FMN2: variants seen among roughly 807,000 people sequenced by gnomAD.
FMN2 encodes formin-2.
Under a neutral mutation model 142.3 loss-of-function variants are expected in FMN2, and 51 were observed. The observed-to-expected ratio is 0.36, with a 90% CI of 0.29 to 0.45. The LOEUF is 0.45. Ranked by LOEUF, FMN2 falls within the 20% of genes least tolerant of loss-of-function variation. The pLI, the probability that FMN2 is intolerant of heterozygous loss-of-function variation, is 1.00. For missense variants in FMN2, 1,936 were observed against 2,122.8 expected (o/e 0.91, Z 1.73); for synonymous variants, 882 against 869.8 (o/e 1.01, Z -0.25).
rs142176439 is a variant in FMN2, at chr1:240,213,366, G to A, written c.4065+2131G>A. 3.6e-3 allele frequency among the ~76,000 whole-genome samples: 549 copies of A among 152,232 alleles called. 6 individuals are homozygous for A. The highest frequency in any genetic ancestry group is 0.012 in the African/African-American group (496 of 41,530). On this transcript the variant is annotated intron_variant, in intron 6 of 17. Coordinates refer to ENST00000319653, the MANE Select transcript of FMN2 (RefSeq NM_020066.5). ...CAGCAACTCCTTGGCCTGGGTCTTG[G>A]TGCTGAGCTCTGCACTTCAGATCTG... is the stretch of plus-strand genomic sequence containing the variant.
At chr1:240,471,466 C>T (rs1676805884) in intron 16 of FMN2, among the ~76,000 whole-genome samples, 1 of 150,674 alleles carries the variant, frequency 6.6e-6, no homozygotes, top group Admixed American at 6.6e-5. Flanking sequence ...AGCTCAGCCT[C>T]TTGGGTTCAC....
chr1:240,271,098 G>GTTTTTTTTTTTTTTTTGTTTTT (rs1668992704), intron 7 of FMN2, among the ~76,000 whole-genome samples: 1 of 72,244 alleles, frequency 1.4e-5, no homozygotes, highest in African/African-American at 6.6e-5. Context: ...TTCCACGATG[G>GTTTTTTTTTTTTTTTTGTTTTT]TTTTTTTTTT....
At chr1:240,300,889 T>C (rs1355969305) in intron 8 of FMN2, among the ~76,000 whole-genome samples, 2 of 140,362 alleles carry the variant, frequency 1.4e-5, no homozygotes, top group African/African-American at 5.5e-5. Context: ...TGATACTTAC[T>C]GTGTGCATGT....
At chr1:240,147,938 C>T (rs1221075556) in intron 2 of FMN2, among the ~76,000 whole-genome samples, 1 of 152,176 alleles carries the variant, frequency 6.6e-6, no homozygotes, top group Non-Finnish European at 1.5e-5. Flanking sequence ...AAGTCTTGCT[C>T]TAGAAAGTGT....
At chr1:240,339,090 T>C (rs1314189875) in intron 13 of FMN2, among the ~76,000 whole-genome samples, 1 of 152,118 alleles carries the variant, frequency 6.6e-6, no homozygotes, top group Non-Finnish European at 1.5e-5. Flanking sequence ...GGAGCGGCTA[T>C]AAATACAGAT....
In FMN2 at chr1:240,101,701, C is replaced by A. The variant is rs535226981; in HGVS notation, c.1615+7977C>A. On this transcript the variant is annotated intron_variant, in intron 1 of 17. Coordinates refer to ENST00000319653, the MANE Select transcript of FMN2 (RefSeq NM_020066.5). Reference sequence around the variant, plus strand: ...GGGACCACAGGCGTGAGCCACTATGCCTGGCTAATTTTTTTTTTTTTTTTT... The same window carrying A: ...GGGACCACAGGCGTGAGCCACTATGACTGGCTAATTTTTTTTTTTTTTTTT... Among the ~76,000 whole-genome samples the A allele has an allele frequency of 2.2e-4, 33 of 151,668 alleles. No individual in the cohort carries two copies. In the Middle Eastern group the frequency reaches 0.01, roughly 47 times the overall value.
At position 240,241,825 on chromosome 1, in the gene FMN2, C is replaced by CTTTTTTTTTTTTTTTTTTT. The variant is rs71567282; in HGVS notation, c.4066-16109_4066-16091dup. Among the ~76,000 whole-genome samples, 15 of 96,222 alleles carry CTTTTTTTTTTTTTTTTTTT rather than the reference C, an allele frequency of 1.6e-4. 3 individuals are homozygous for CTTTTTTTTTTTTTTTTTTT. The highest frequency in any genetic ancestry group is 5.3e-4 in the African/African-American group (14 of 26,316). 63.1% of individuals were successfully genotyped at this position (96,222 alleles called of 152,430 possible). On this transcript the variant is annotated intron_variant, in intron 6 of 17. Transcript: ENST00000319653. The stretch of plus-strand genomic sequence containing the variant: ...ATTTTCTTTATTTTAGTGTGCCTTG[C>CTTTTTTTTTTTTTTTTTTT]TTTTTTTTTTTTTTTTTTTTTTTTT...
At chr1:240,315,428 A>G (rs150116055) in intron 8 of FMN2, among the ~76,000 whole-genome samples, 5 of 152,342 alleles carry the variant, frequency 3.3e-5, no homozygotes, top group African/African-American at 1.2e-4. Context: ...CAATAAATTT[A>G]TTAAAGGAAT....
chr1:240,355,950 G>GTAAAAAA lies in FMN2; in HGVS notation c.4858+42_4858+43insTAAAAAA, dbSNP rs1558449489. 3.5e-5 allele frequency: 3 copies of GTAAAAAA among 86,238 alleles called. No individual in the cohort carries two copies. The African/African-American group carries it at 5.4e-4, about 15-fold the overall frequency. The allele number at this position is 86,238 out of a possible 1,614,324, so 5.3% of individuals were successfully genotyped here. A position where few individuals can be genotyped will look rare whatever the true frequency, so the allele number is the denominator to read the frequency against. On this transcript the variant is annotated intron_variant, in intron 14 of 17. Coordinates refer to ENST00000319653, the MANE Select transcript of FMN2 (RefSeq NM_020066.5). The stretch of plus-strand genomic sequence containing the variant: ...TGTGTTATGTTTTTCTCCCCTTTCA[G>GTAAAAAA]CAAAAAAAAAAAAAAAAAAAAAAAA...
rs182578699 is a variant in FMN2, at chr1:240,303,286, T to C, written c.4215+8403T>C. Among the ~76,000 whole-genome samples, 47 of 152,294 alleles carry C rather than the reference T, an allele frequency of 3.1e-4. No individual in the cohort carries two copies. The East Asian group carries it at 7.5e-3, about 24-fold the overall frequency. ...TTCTTCATACAGCTTTGAGTTATGG[T>C]CTAGTGTCCTGTCATTTCATCCTGC... On this transcript the variant is annotated intron_variant, in intron 8 of 17. Transcript: ENST00000319653.
At chr1:240,350,722 G>A (rs6429204) in intron 13 of FMN2, among the ~76,000 whole-genome samples, 75,708 of 151,954 alleles carry the variant, frequency 0.5, 19,932 homozygotes, top group African/African-American at 0.68. Flanking sequence ...TCATTTGTAC[G>A]TGTTCTGTAG....
At chr1:240,441,421 A>G (rs774849527) in intron 16 of FMN2, among the ~76,000 whole-genome samples, 2 of 152,106 alleles carry the variant, frequency 1.3e-5, no homozygotes, top group African/African-American at 4.8e-5. Context: ...TACAGTTACT[A>G]TCAGTGTGAG....
At chr1:240,197,812 G>A (rs1219029899) in intron 4 of FMN2, among the ~76,000 whole-genome samples, 2 of 151,956 alleles carry the variant, frequency 1.3e-5, no homozygotes, top group Non-Finnish European at 2.9e-5. Flanking sequence ...GGGATTACAG[G>A]TATGCACCAC....
intron 2 of FMN2, among the ~76,000 whole-genome samples, chr1:240,172,215 C>CACACAA (rs1553336373): frequency 5.9e-5 from 9 of 152,120 alleles, no homozygotes; most frequent in African/African-American, 2.2e-4. Flanking sequence ...CACACACACA[C>CACACAA]ACAGAAAAAG....
intron 15 of FMN2, among the ~76,000 whole-genome samples, chr1:240,427,795 A>G (rs1675011350): frequency 6.6e-6 from 1 of 152,178 alleles, no homozygotes. Flanking sequence ...AGGTTTGAAT[A>G]TTTTGGCAAA....
chr1:240,092,862 G>T lies in FMN2; in HGVS notation c.753G>T (p.Arg251=). ...CCGGGGCCTTCCTGGGCCTGGACCG[G>T]TTCCTGCTGGGGCCGAGCGGCGGGG... is the stretch of plus-strand genomic sequence containing the variant. ...PQPGAFLGLD[R]FLLGPSGGAG... is the part of the protein sequence containing the mutation. The change falls in exon 1 of 18, where the codon CGG becomes CGT. Residue 251 remains arginine, a synonymous_variant. Coordinates refer to ENST00000319653, the MANE Select transcript of FMN2 (RefSeq NM_020066.5). 6.5e-6 allele frequency: 10 copies of T among 1,542,324 alleles called. No individual in the cohort carries two copies. Among genetic ancestry groups the T allele is most frequent in the Non-Finnish European group, 8.7e-6 (10 of 1,147,710 alleles).
intron 16 of FMN2, among the ~76,000 whole-genome samples, chr1:240,448,117 C>T (rs373344775): frequency 8.5e-5 from 13 of 152,244 alleles, no homozygotes; most frequent in African/African-American, 3.1e-4. Context: ...AGAAAACAAA[C>T]CTTGAAACTA....
intron 4 of FMN2, among the ~76,000 whole-genome samples, chr1:240,197,695 T>C (rs1665967403): frequency 6.6e-6 from 1 of 151,542 alleles, no homozygotes; most frequent in Admixed American, 6.6e-5. Context: ...AGTGAGAGAA[T>C]AGGGAAAGCA....
chr1:240,219,018 G>T (rs1215895887), intron 6 of FMN2, among the ~76,000 whole-genome samples: 2 of 152,102 alleles, frequency 1.3e-5, no homozygotes, highest in South Asian at 2.1e-4. Context: ...GAATTTATTT[G>T]GTTTAAATAT....
Sources: gnomAD v4.1 joint callset for allele counts (sites outside exome capture counted in the v4.1 genomes callset) on GRCh38, gnomAD v4.1.1 for gene constraint, MANE v1.5 for transcripts, NCBI Gene and HGNC (gene_info 2026-07-23, HGNC 2026-07-21) for gene names.